Variants in SARNP observed in about 807,000 individuals in gnomAD.
The protein encoded by SARNP is SAP domain-containing ribonucleoprotein.
SARNP carries 5 observed loss-of-function variants against 38.1 expected under a neutral mutation model. That is an observed-to-expected ratio of 0.13 (90% CI 0.07 to 0.28). The LOEUF (loss-of-function observed/expected upper bound fraction) is 0.28, where lower values mean the gene tolerates loss of function less well. SARNP is among the 10% of genes least tolerant of loss of function. The pLI, the probability that SARNP is intolerant of heterozygous loss-of-function variation, is 1.00. For missense variants in SARNP, 180 were observed against 243.9 expected (o/e 0.74, Z 1.75); for synonymous variants, 84 against 80.6 (o/e 1.04, Z -0.23).
chr12:55,816,988 G>C (rs922814670), intron 1 of SARNP, among the ~76,000 whole-genome samples: 4 of 152,162 alleles, frequency 2.6e-5, no homozygotes, highest in Non-Finnish European at 4.4e-5. Flanking sequence ...GGTGGTTGGA[G>C]ATGGTGTGTG....
Position 55,798,995 on chromosome 12 carries a change from A to C in SARNP, c.251+1567T>G, listed in dbSNP as rs190259563. ...TGCCTAGCATATAACTAACACTTAC[A>C]TAAGAAAATGATGATATAAAAAATT... On this transcript the variant is annotated intron_variant, in intron 4 of 10. Transcript: ENST00000336133. 2.8e-4 allele frequency among the ~76,000 whole-genome samples: 42 copies of C among 152,362 alleles called. 1 individual carries two copies. The highest frequency in any genetic ancestry group is 9.9e-4 in the African/African-American group (41 of 41,578).
chr12:55,755,129 C>T (rs1878465523), downstream of SARNP: 1 of 152,034 alleles, frequency 6.6e-6, no homozygotes. Context: ...AGTGGCATTG[C>T]CAGAGGCCCT....
chr12:55,813,729 T>C (rs1237000833), intron 1 of SARNP, among the ~76,000 whole-genome samples: 3 of 151,864 alleles, frequency 2.0e-5, no homozygotes, highest in African/African-American at 7.3e-5. Context: ...TTTTTAATAG[T>C]GACGGGGTTT....
intron 4 of SARNP, among the ~76,000 whole-genome samples, chr12:55,799,683 AGC>A: frequency 6.8e-6 from 1 of 146,404 alleles, no homozygotes; most frequent in East Asian, 2.1e-4. Context: ...CCTCCCAAGT[AGC>A]TGGAATTACA....
intron 1 of SARNP, among the ~76,000 whole-genome samples, chr12:55,809,391 C>A (rs1880256849): frequency 6.6e-6 from 1 of 152,032 alleles, no homozygotes. Context: ...CTGCAATGAG[C>A]CATGATCATG....
intron 1 of SARNP, among the ~76,000 whole-genome samples, chr12:55,808,391 T>TC (rs1880220702): frequency 6.6e-6 from 1 of 151,604 alleles, no homozygotes; most frequent in South Asian, 2.1e-4. Context: ...TGATCTTGGC[T>TC]CACCGCAACC....
chr12:55,773,414 A>G (rs894015044), intron 9 of SARNP, among the ~76,000 whole-genome samples: 2 of 152,208 alleles, frequency 1.3e-5, no homozygotes, highest in Non-Finnish European at 2.9e-5. Context: ...TACAAAAACT[A>G]TTTCAGCTGC....
chr12:55,813,453 G>C (rs981751246), intron 1 of SARNP, among the ~76,000 whole-genome samples: 3 of 151,910 alleles, frequency 2.0e-5, no homozygotes, highest in Admixed American at 2.0e-4. Flanking sequence ...TCCAATTGCA[G>C]CATATGTGAA....
intron 7 of SARNP, among the ~76,000 whole-genome samples, chr12:55,791,828 A>C (rs1183909672): frequency 6.6e-6 from 1 of 152,266 alleles, no homozygotes; most frequent in Non-Finnish European, 1.5e-5. Flanking sequence ...CATTCAAAAA[A>C]ACAGTGCTTG....
chr12:55,779,941 G>A (rs2136188949), intron 9 of SARNP, among the ~76,000 whole-genome samples: 1 of 152,286 alleles, frequency 6.6e-6, no homozygotes, highest in South Asian at 2.1e-4. Flanking sequence ...GAGCCCAAGA[G>A]TTTGAGACCA....
chr12:55,774,208 G>A (rs1174699171), intron 9 of SARNP, among the ~76,000 whole-genome samples: 1 of 151,848 alleles, frequency 6.6e-6, no homozygotes, highest in Admixed American at 6.6e-5. Flanking sequence ...TCACTATGCT[G>A]CACAGGCTGG....
intron 9 of SARNP, among the ~76,000 whole-genome samples, chr12:55,774,889 T>G (rs929979681): frequency 6.8e-5 from 10 of 147,232 alleles, no homozygotes; most frequent in African/African-American, 2.5e-4. Context: ...ATTTGTTTTT[T>G]TTTTTTTTTT....
In SARNP at chr12:55,757,513, C is replaced by A. The variant is rs760831045; in HGVS notation, c.632G>T (p.Ter211LeuextTer1). ...RKRAERFGIA* is the reference protein window; with the variant it reads ...RKRAERFGIAL Reference sequence around the variant, plus strand: ...ACAGAAAGTATCAGGAACTTTTCATCAGGCAATCCCAAAGCGCTCTGCTCT... The same window carrying A: ...ACAGAAAGTATCAGGAACTTTTCATAAGGCAATCCCAAAGCGCTCTGCTCT... Residue 211 changes from the stop codon to leucine, a stop_lost, in exon 11 of 11, where the codon TGA becomes TTA. Coordinates refer to ENST00000336133, the MANE Select transcript of SARNP (RefSeq NM_033082.4). 1 of 1,605,726 alleles carries A rather than the reference C, an allele frequency of 6.2e-7. No individual in the cohort carries two copies. The highest frequency in any genetic ancestry group is 8.5e-7 in the Non-Finnish European group (1 of 1,177,862).
chr12:55,797,735 G>C (rs906559077), intron 4 of SARNP, among the ~76,000 whole-genome samples: 2 of 152,020 alleles, frequency 1.3e-5, no homozygotes, highest in African/African-American at 4.8e-5. Context: ...AATAAACATC[G>C]AATTCTGGGA....
chr12:55,771,313 G>A (rs1278335624), intron 9 of SARNP, among the ~76,000 whole-genome samples: 2 of 152,080 alleles, frequency 1.3e-5, no homozygotes, highest in Non-Finnish European at 2.9e-5. Flanking sequence ...AAGAAACTAG[G>A]AGAAACAAAG....
At chr12:55,806,226 A>G (rs1251427825) in intron 1 of SARNP, among the ~76,000 whole-genome samples, 1 of 152,058 alleles carries the variant, frequency 6.6e-6, no homozygotes, top group African/African-American at 2.4e-5. Context: ...AATGGGAATG[A>G]TAACAGTACC....
At chr12:55,771,937 G>A (rs1351824370) in intron 9 of SARNP, among the ~76,000 whole-genome samples, 3 of 152,110 alleles carry the variant, frequency 2.0e-5, no homozygotes, top group Non-Finnish European at 4.4e-5. Flanking sequence ...CAGGGTAAGC[G>A]AGCTTCCAAT....
At chr12:55,774,484 C>A (rs2136185500) in intron 9 of SARNP, among the ~76,000 whole-genome samples, 1 of 148,470 alleles carries the variant, frequency 6.7e-6, no homozygotes, top group South Asian at 2.1e-4. Context: ...CTTTGGGAGG[C>A]CTACGTGGGT....
chr12:55,803,617 CA>C lies in SARNP; in HGVS notation c.136+11del, dbSNP rs1369912486. Reference sequence around the variant, plus strand: ...CCTCACTCACATCACTCCGCCTCCACAAAGTACTCACCATGTTCTTCAAGAT... The same window carrying C: ...CCTCACTCACATCACTCCGCCTCCACAAGTACTCACCATGTTCTTCAAGAT... On this transcript the variant is annotated intron_variant, in intron 2 of 10. Coordinates refer to ENST00000336133, the MANE Select transcript of SARNP (RefSeq NM_033082.4). 1.3e-6 allele frequency: 2 copies of C among 1,557,800 alleles called. No homozygotes were observed. The highest frequency in any genetic ancestry group is 1.8e-6 in the Non-Finnish European group (2 of 1,137,166).
Sources: allele counts gnomAD v4.1 joint callset (sites outside exome capture counted in the v4.1 genomes callset), GRCh38; gene constraint gnomAD v4.1.1; transcripts MANE v1.5; gene names NCBI Gene and HGNC (gene_info 2026-07-23, HGNC 2026-07-21).